Variants in MCPH1 observed in about 807,000 individuals in gnomAD.
MCPH1 encodes microcephalin 1.
In MCPH1, 104 loss-of-function variants were observed where a neutral mutation model predicts 84.5. The observed-to-expected ratio is 1.23, with a 90% confidence interval of 1.05 to 1.45. The LOEUF is 1.45. MCPH1 is among the 40% of genes most tolerant of loss of function. The probability of loss-of-function intolerance (pLI) is 0.00; values close to 1 mark genes in which losing one functional copy is unlikely to be tolerated. For missense variants in MCPH1, 1,498 were observed against 1,005.7 expected, an observed-to-expected ratio of 1.49 and a Z score of -6.62; for synonymous variants, 514 against 366.8, an observed-to-expected ratio of 1.40 and a Z score of -4.58.
chr8:6,443,191 G>A lies in MCPH1; in HGVS notation c.670+1035G>A, dbSNP rs79244791. ...CACAGAGGTCAAACAGCTTGTCCAA[G>A]GTCATGTGGTTTGTGAATGGCAAAC... is the stretch of plus-strand genomic sequence containing the variant. On this transcript the variant is annotated intron_variant, in intron 7 of 13. Coordinates refer to ENST00000344683, the MANE Select transcript of MCPH1 (RefSeq NM_024596.5). 3.1e-3 allele frequency among the ~76,000 whole-genome samples: 478 copies of A among 152,304 alleles called. 4 individuals are homozygous for A. The highest frequency in any genetic ancestry group is 0.011 in the African/African-American group (456 of 41,554).
intron 10 of MCPH1, among the ~76,000 whole-genome samples, chr8:6,479,671 G>C (rs1301787363): frequency 6.6e-6 from 1 of 152,032 alleles, no homozygotes; most frequent in East Asian, 1.9e-4. Context: ...GGCTTAGAAA[G>C]CCCTCCATTG....
intron 9 of MCPH1, among the ~76,000 whole-genome samples, chr8:6,460,638 T>G (rs899425640): frequency 6.6e-6 from 1 of 152,210 alleles, no homozygotes; most frequent in Non-Finnish European, 1.5e-5. Context: ...CCTCAATTTC[T>G]GTTTTTCTTA....
At chr8:6,513,754 G>T in intron 12 of MCPH1, 1 of 1,613,926 alleles carries the variant, frequency 6.2e-7, no homozygotes, top group Non-Finnish European at 8.5e-7. Flanking sequence ...CAGTCTTTAA[G>T]GTGTATTTTA....
At chr8:6,535,203 A>T (rs1197272899) in intron 12 of MCPH1, among the ~76,000 whole-genome samples, 1 of 152,220 alleles carries the variant, frequency 6.6e-6, no homozygotes, top group Non-Finnish European at 1.5e-5. Context: ...ACAACCAGAG[A>T]GGGAAAATGA....
intron 12 of MCPH1, among the ~76,000 whole-genome samples, chr8:6,557,537 T>C (rs1374403144): frequency 6.6e-6 from 1 of 152,116 alleles, no homozygotes; most frequent in Non-Finnish European, 1.5e-5. Flanking sequence ...CAAAGGAGGA[T>C]GTAGTGAAAA....
intron 12 of MCPH1, among the ~76,000 whole-genome samples, chr8:6,590,488 G>A (rs970917752): frequency 4.6e-5 from 7 of 152,270 alleles, no homozygotes; most frequent in South Asian, 2.1e-4. Context: ...TCAAACTCAT[G>A]TCAGATGCCC....
intron 3 of MCPH1, among the ~76,000 whole-genome samples, chr8:6,419,958 C>T (rs1272989717): frequency 6.6e-6 from 1 of 151,786 alleles, no homozygotes; most frequent in Non-Finnish European, 1.5e-5. Context: ...TATTCTATTT[C>T]CATTCATTGC....
At chr8:6,606,793 C>A (rs775231936) in intron 12 of MCPH1, among the ~76,000 whole-genome samples, 1 of 152,158 alleles carries the variant, frequency 6.6e-6, no homozygotes, top group Non-Finnish European at 1.5e-5. Context: ...ACAGGTCTTT[C>A]TCATGCTGTT....
chr8:6,522,109 A>G (rs183466814), intron 12 of MCPH1, among the ~76,000 whole-genome samples: 129 of 152,328 alleles, frequency 8.5e-4, no homozygotes, highest in African/African-American at 2.8e-3. Flanking sequence ...TAATCCCAGC[A>G]CTTTGGGAGG....
At chr8:6,416,869 C>T (rs1196259289) in intron 3 of MCPH1, among the ~76,000 whole-genome samples, 1 of 151,990 alleles carries the variant, frequency 6.6e-6, no homozygotes, top group African/African-American at 2.4e-5. Context: ...TGGCGTGTGC[C>T]TATAGTCCCA....
chr8:6,504,272 C>A (rs892993348), intron 12 of MCPH1, among the ~76,000 whole-genome samples: 1 of 143,082 alleles, frequency 7.0e-6, no homozygotes, highest in African/African-American at 2.6e-5. Flanking sequence ...GAGCCGAGAT[C>A]GCGCCACTGC....
intron 9 of MCPH1, chr8:6,474,163 A>G: frequency 1.3e-6 from 1 of 745,422 alleles, no homozygotes; most frequent in Non-Finnish European, 2.5e-6. Flanking sequence ...TCATTTGGTT[A>G]TCTAACTCAT....
chr8:6,619,677 C>T (rs1386806843), intron 12 of MCPH1, among the ~76,000 whole-genome samples: 7 of 152,022 alleles, frequency 4.6e-5, no homozygotes, highest in African/African-American at 1.7e-4. Context: ...CTCCACCTCC[C>T]GGGTTCACAC....
rs73664542 is a variant in MCPH1 at position 6,544,131 on chromosome 8, T to C, written c.2214+44202T>C. Among the ~76,000 whole-genome samples the C allele has an allele frequency of 9.7e-3, 1,480 of 152,344 alleles. 17 individuals carry two copies. The highest frequency in any genetic ancestry group is 0.028 in the African/African-American group (1,163 of 41,580). On this transcript the variant is annotated intron_variant, in intron 12 of 13. Coordinates refer to ENST00000344683, the MANE Select transcript of MCPH1 (RefSeq NM_024596.5). Reference sequence around the variant, plus strand: ...TTTTGTTTTCCAAACATAACTTTTATCTTCATCTCTTGATCTGAAATTTGG... The same window carrying C: ...TTTTGTTTTCCAAACATAACTTTTACCTTCATCTCTTGATCTGAAATTTGG...
intron 12 of MCPH1, among the ~76,000 whole-genome samples, chr8:6,563,619 G>C (rs1209545952): frequency 6.6e-6 from 1 of 152,102 alleles, no homozygotes; most frequent in Non-Finnish European, 1.5e-5. Context: ...TTTCCTTTAG[G>C]AATAAAAATA....
At chr8:6,522,652 T>G (rs1395095200) in intron 12 of MCPH1, among the ~76,000 whole-genome samples, 1 of 151,442 alleles carries the variant, frequency 6.6e-6, no homozygotes, top group African/African-American at 2.4e-5. Context: ...TACATGAATG[T>G]AATCCCAGCT....
intron 12 of MCPH1, among the ~76,000 whole-genome samples, chr8:6,547,605 G>A (rs1484928152): frequency 3.3e-5 from 5 of 152,158 alleles, no homozygotes; most frequent in African/African-American, 7.2e-5. Context: ...TGACTCACTT[G>A]CCTCATCAGT....
intron 12 of MCPH1, chr8:6,507,966 C>G (rs1042802725): frequency 2.3e-4 from 35 of 152,274 alleles, no homozygotes; most frequent in African/African-American, 8.2e-4. Flanking sequence ...TTTTAAGTGA[C>G]TACTACAATG....
chr8:6,588,170 G>T (rs543833387), intron 12 of MCPH1, among the ~76,000 whole-genome samples: 1 of 152,126 alleles, frequency 6.6e-6, no homozygotes, highest in African/African-American at 2.4e-5. Flanking sequence ...ACTGGGGCCA[G>T]ATGGGACCAC....
Sources: allele counts gnomAD v4.1 joint callset (sites outside exome capture counted in the v4.1 genomes callset), GRCh38; gene constraint gnomAD v4.1.1; transcripts MANE v1.5; gene names NCBI Gene and HGNC (gene_info 2026-07-23, HGNC 2026-07-21).